Variants in SDK1 observed in about 807,000 individuals in gnomAD.
The protein encoded by SDK1 is sidekick cell adhesion molecule 1.
In SDK1, 157 loss-of-function variants were observed where a neutral mutation model predicts 245.5. The ratio of observed to expected loss-of-function variants is 0.64; its 90% CI spans 0.56 to 0.73. The LOEUF (loss-of-function observed/expected upper bound fraction) is 0.73. Among genes scored for constraint, SDK1 ranks in the 30% least tolerant of loss-of-function variants. SDK1 has a pLI of 0.00. For missense variants in SDK1, 3,583 were observed against 3,002.3 expected (o/e 1.19, Z -4.52); for synonymous variants, 1,647 against 1,278.5 (o/e 1.29, Z -6.15).
At chr7:4,246,982 A>G (rs900125717) in intron 44 of SDK1, among the ~76,000 whole-genome samples, 2 of 152,194 alleles carry the variant, frequency 1.3e-5, no homozygotes, top group African/African-American at 2.4e-5. Flanking sequence ...TCCGTTTCTC[A>G]TACTTACCAG....
At chr7:4,193,446 A>G (rs775104334) in intron 35 of SDK1, among the ~76,000 whole-genome samples, 1 of 147,958 alleles carries the variant, frequency 6.8e-6, no homozygotes, top group African/African-American at 2.5e-5. Context: ...AGGACCAACA[A>G]TAGGCTGGGA....
chr7:4,083,530 C>T (rs887502382), intron 22 of SDK1, among the ~76,000 whole-genome samples: 6 of 96,022 alleles, frequency 6.2e-5, no homozygotes, highest in African/African-American at 3.8e-4. Context: ...CCACTCCTCC[C>T]TCCCTCCCTC....
chr7:4,133,901 A>G (rs1160093020), intron 28 of SDK1, among the ~76,000 whole-genome samples: 1 of 152,214 alleles, frequency 6.6e-6, no homozygotes, highest in Non-Finnish European at 1.5e-5. Flanking sequence ...AACAGGTGGT[A>G]AAATTCACCA....
intron 22 of SDK1, among the ~76,000 whole-genome samples, chr7:4,095,730 A>G (rs1031821470): frequency 3.3e-5 from 5 of 151,998 alleles, no homozygotes; most frequent in East Asian, 1.9e-4. Flanking sequence ...TCGCCACCAC[A>G]CCTGGCTAAT....
chr7:3,950,949 G>C lies in SDK1; in HGVS notation c.874G>C (p.Ala292Pro). ...ARDVGTPETM[A>P]PTIVVPPGNR... ...AGATGTTGGCACACCTGAAACCATG[G>C]CCCCAACCATTGTGGTTCCCCCGGG... The change falls in exon 6 of 45, where the codon GCC (alanine) becomes CCC (proline). Residue 292 changes from alanine (A) to proline (P), a missense_variant. Physicochemically the swap from Ala to Pro is conservative, Grantham distance 27. Coordinates refer to ENST00000404826, the MANE Select transcript of SDK1 (RefSeq NM_152744.4). 6.2e-7 allele frequency: 1 copy of C among 1,613,986 alleles called. No individual in the cohort carries two copies.
chr7:3,977,545 C>T (rs1264369062), intron 13 of SDK1, among the ~76,000 whole-genome samples: 3 of 152,250 alleles, frequency 2.0e-5, no homozygotes, highest in African/African-American at 7.2e-5. Context: ...CCCAGCCATC[C>T]ACTGTCTCTG....
chr7:4,043,678 C>T (rs1583922855), intron 17 of SDK1, among the ~76,000 whole-genome samples: 1 of 152,218 alleles, frequency 6.6e-6, no homozygotes, highest in South Asian at 2.1e-4. Flanking sequence ...AAGGTACAGA[C>T]GTCCTCTTGA....
In SDK1 at chr7:3,727,651, C is replaced by T. The variant is rs778426490; in HGVS notation, c.713+85546C>T. 1.2e-3 allele frequency among the ~76,000 whole-genome samples: 186 copies of T among 152,084 alleles called. 1 individual carries two copies. The highest frequency in any genetic ancestry group is 4.7e-4 in the Non-Finnish European group (32 of 67,988). The stretch of plus-strand genomic sequence containing the variant: ...GATTATAGGCACACACCAGCGCGTC[C>T]GGCTAAATTTTGTATTTTTAGTAGA... On this transcript the variant is annotated intron_variant, in intron 4 of 44. Coordinates refer to ENST00000404826, the MANE Select transcript of SDK1 (RefSeq NM_152744.4).
intron 2 of SDK1, among the ~76,000 whole-genome samples, chr7:3,631,857 C>T (rs1036424419): frequency 6.6e-6 from 1 of 152,194 alleles, no homozygotes; most frequent in Middle Eastern, 3.2e-3. Context: ...TTGACAAATA[C>T]TCCCGAGTGA....
intron 5 of SDK1, among the ~76,000 whole-genome samples, chr7:3,865,914 G>C (rs1414546192): frequency 6.6e-6 from 1 of 152,052 alleles, no homozygotes; most frequent in Non-Finnish European, 1.5e-5. Flanking sequence ...AGAAGCCCTC[G>C]TAGTCCTACA....
intron 5 of SDK1, among the ~76,000 whole-genome samples, chr7:3,906,615 G>GTTT (rs1278612429): frequency 7.6e-5 from 7 of 91,902 alleles, no homozygotes; most frequent in Admixed American, 2.9e-4. Context: ...GCATTTCAGT[G>GTTT]TCTTTTTTTT....
chr7:3,504,214 A>G (rs1004432439), intron 1 of SDK1, among the ~76,000 whole-genome samples: 15 of 48,306 alleles, frequency 3.1e-4, no homozygotes, highest in Middle Eastern at 0.011. Context: ...GTGTGTGTGT[A>G]GATAAAACAC....
At chr7:4,166,787 C>A (rs1425842728) in intron 32 of SDK1, among the ~76,000 whole-genome samples, 1 of 152,214 alleles carries the variant, frequency 6.6e-6, no homozygotes, top group African/African-American at 2.4e-5. Flanking sequence ...GTTGAGCCTC[C>A]CTCAGCCCAG....
chr7:3,475,364 C>T (rs1326476587), intron 1 of SDK1, among the ~76,000 whole-genome samples: 1 of 152,194 alleles, frequency 6.6e-6, no homozygotes, highest in Non-Finnish European at 1.5e-5. Context: ...TGGTTCATAG[C>T]AGCTCATTCT....
intron 41 of SDK1, among the ~76,000 whole-genome samples, chr7:4,237,426 A>C (rs547142532): frequency 1.3e-5 from 2 of 151,912 alleles, no homozygotes; most frequent in Admixed American, 6.6e-5. Context: ...AAAGGTGGCA[A>C]ATGGGGGCTG....
At chr7:4,039,531 G>A (rs1182540282) in intron 17 of SDK1, among the ~76,000 whole-genome samples, 37 of 152,010 alleles carry the variant, frequency 2.4e-4, no homozygotes, top group Non-Finnish European at 4.4e-5. Context: ...AATTCAAAAA[G>A]CAAAGCTTGC....
chr7:3,578,028 C>G (rs1427305990), intron 1 of SDK1, among the ~76,000 whole-genome samples: 7 of 152,026 alleles, frequency 4.6e-5, no homozygotes, highest in African/African-American at 1.7e-4. Flanking sequence ...ATGTTTCTTT[C>G]TTTTCCTCCT....
At chr7:3,418,515 A>G (rs73300391) in intron 1 of SDK1, among the ~76,000 whole-genome samples, 2,260 of 152,204 alleles carry the variant, frequency 0.015, 68 homozygotes, top group African/African-American at 0.052. Context: ...TTAAAAAAAG[A>G]CAGGTGGCAT....
chr7:3,942,808 C>T (rs78128696), intron 5 of SDK1, among the ~76,000 whole-genome samples: 8,529 of 152,198 alleles, frequency 0.056, 807 homozygotes, highest in African/African-American at 0.19. Flanking sequence ...ACTTGTACTA[C>T]GGTTTTTCTC....
Sources: allele counts gnomAD v4.1 joint callset (sites outside exome capture counted in the v4.1 genomes callset), GRCh38; gene constraint gnomAD v4.1.1; transcripts MANE v1.5; gene names NCBI Gene and HGNC (gene_info 2026-07-23, HGNC 2026-07-21).